Variants in CCBE1 observed in about 807,000 individuals in gnomAD.
CCBE1 encodes the protein collagen and calcium binding EGF domains 1, also known as collagen and calcium-binding EGF domain-containing protein 1.
A neutral mutation model predicts 50.0 loss-of-function variants in CCBE1; 37 were observed. That is an observed-to-expected ratio of 0.74 (90% CI 0.57 to 0.97). The LOEUF is 0.97. Among genes scored for constraint, CCBE1 ranks in the 50% least tolerant of loss-of-function variants. The probability of loss-of-function intolerance (pLI) is 0.00; values close to 1 mark genes in which losing one functional copy is unlikely to be tolerated. For missense variants in CCBE1, 538 were observed against 523.8 expected (o/e 1.03, Z -0.26); for synonymous variants, 234 against 203.7 (o/e 1.15, Z -1.27).
chr18:59,508,770 G>A (rs1189048561), intron 2 of CCBE1, among the ~76,000 whole-genome samples: 4 of 130,874 alleles, frequency 3.1e-5, no homozygotes, highest in East Asian at 4.8e-4. Flanking sequence ...AGGCTGAAGT[G>A]CAGTAGGGCC....
intron 5 of CCBE1, chr18:59,459,111 C>T (rs1911343001): frequency 6.6e-6 from 1 of 152,236 alleles, no homozygotes; most frequent in African/African-American, 2.4e-5. Flanking sequence ...GAACAGTGCC[C>T]AGCTTATGTT....
chr18:59,503,713 T>C (rs1358885970), intron 2 of CCBE1, among the ~76,000 whole-genome samples: 1 of 152,202 alleles, frequency 6.6e-6, no homozygotes, highest in African/African-American at 2.4e-5. Flanking sequence ...TTCTATCCTA[T>C]TAATATAATT....
intron 5 of CCBE1, among the ~76,000 whole-genome samples, chr18:59,466,515 C>T (rs1250520207): frequency 2.6e-5 from 4 of 151,808 alleles, no homozygotes; most frequent in Non-Finnish European, 5.9e-5. Flanking sequence ...CGAACTTATA[C>T]AATAAATAAT....
chr18:59,467,869 C>T (rs968755964), intron 4 of CCBE1, among the ~76,000 whole-genome samples: 2 of 1,610 alleles, frequency 1.2e-3, no homozygotes, highest in Admixed American at 0.019. Flanking sequence ...GTCATCTGGA[C>T]GCTCCCCGGC....
intron 2 of CCBE1, among the ~76,000 whole-genome samples, chr18:59,574,299 T>A (rs2052959184): frequency 6.6e-6 from 1 of 152,366 alleles, no homozygotes; most frequent in Non-Finnish European, 1.5e-5. Flanking sequence ...GTGTCTTTAG[T>A]TTAGAACTTC....
intron 2 of CCBE1, among the ~76,000 whole-genome samples, chr18:59,521,011 T>C (rs1914576119): frequency 6.6e-6 from 1 of 152,266 alleles, no homozygotes; most frequent in African/African-American, 2.4e-5. Flanking sequence ...TGATATTCTC[T>C]GAATGCTGAA....
intron 2 of CCBE1, among the ~76,000 whole-genome samples, chr18:59,644,159 A>G (rs1189523365): frequency 6.6e-6 from 1 of 152,196 alleles, no homozygotes; most frequent in Non-Finnish European, 1.5e-5. Context: ...CAAGGAACCC[A>G]CAACCTAGGT....
intron 2 of CCBE1, among the ~76,000 whole-genome samples, chr18:59,531,516 G>A (rs952773399): frequency 1.3e-5 from 2 of 152,166 alleles, no homozygotes; most frequent in African/African-American, 4.8e-5. Flanking sequence ...GGGAGGCTGA[G>A]GCAGGAGGAT....
intron 2 of CCBE1, among the ~76,000 whole-genome samples, chr18:59,554,430 A>T (rs759892096): frequency 6.6e-6 from 1 of 152,220 alleles, no homozygotes; most frequent in Non-Finnish European, 1.5e-5. Flanking sequence ...CAGTCTTTCT[A>T]CATGATGGTA....
chr18:59,662,268 T>TA (rs1196513280), intron 2 of CCBE1, among the ~76,000 whole-genome samples: 37 of 152,348 alleles, frequency 2.4e-4, no homozygotes, highest in African/African-American at 8.7e-4. Context: ...GGAACGTGCA[T>TA]AGTGGGACAC....
chr18:59,571,512 G>T (rs1047316768), intron 2 of CCBE1, among the ~76,000 whole-genome samples: 2 of 150,724 alleles, frequency 1.3e-5, no homozygotes, highest in African/African-American at 2.4e-5. Context: ...AGCATTAGGA[G>T]ATATATCTAA....
Position 59,466,734 on chromosome 18 carries a change from C to T in CCBE1, c.553+5G>A, listed in dbSNP as rs1295132813. ...TAGGGAGATATTTAGACTTGCCCTACTTACCAGTGTCATTGGGATATTTGT... is the reference window on the plus strand; with the variant it reads ...TAGGGAGATATTTAGACTTGCCCTATTTACCAGTGTCATTGGGATATTTGT... On this transcript the variant is annotated splice_donor_5th_base_variant and intron_variant, in intron 5 of 10. Transcript: ENST00000439986. 6.2e-7 allele frequency: 1 copy of T among 1,610,854 alleles called. No individual in the cohort carries two copies. The highest frequency in any genetic ancestry group is 8.5e-7 in the Non-Finnish European group (1 of 1,178,452).
chr18:59,517,659 C>T (rs1914429578), intron 2 of CCBE1, among the ~76,000 whole-genome samples: 1 of 152,140 alleles, frequency 6.6e-6, no homozygotes, highest in Admixed American at 6.6e-5. Context: ...CAGTTCTATC[C>T]CTTTCTTCCT....
Position 59,436,136 on chromosome 18 carries a change from G to C in CCBE1, c.993C>G (p.Pro331=). 1 of 1,614,114 alleles carries C rather than the reference G, an allele frequency of 6.2e-7. No homozygotes were observed. Among genetic ancestry groups the C allele is most frequent in the Non-Finnish European group, 8.5e-7 (1 of 1,180,000 alleles). The change falls in exon 11 of 11, where the codon CCC becomes CCG. Residue 331 remains proline, a synonymous_variant. Transcript: ENST00000439986. ...GTAGCAGGAAGTCGAAAGAACCAGG[G>C]GGTCCCTGTGTACATGGGAGGAATC... ...GAPGPRGSPG[P]PGSFDFLLLM...
intron 7 of CCBE1, among the ~76,000 whole-genome samples, chr18:59,446,238 G>C (rs1344369588): frequency 1.3e-5 from 2 of 152,222 alleles, no homozygotes; most frequent in Non-Finnish European, 2.9e-5. Context: ...AAGAAAGCTT[G>C]CAAGGCATTT....
chr18:59,694,331 A>T (rs1416607826), intron 2 of CCBE1, among the ~76,000 whole-genome samples: 2 of 152,196 alleles, frequency 1.3e-5, no homozygotes, highest in Admixed American at 1.3e-4. Context: ...TATTACTTAC[A>T]GCTCAATTCA....
intron 2 of CCBE1, among the ~76,000 whole-genome samples, chr18:59,589,808 A>AG (rs1342401363): frequency 7.6e-6 from 1 of 132,360 alleles, no homozygotes; most frequent in Non-Finnish European, 1.7e-5. Context: ...AAAAAAAAAA[A>AG]AAAGAAAGAA....
intron 2 of CCBE1, among the ~76,000 whole-genome samples, chr18:59,540,815 A>T (rs573581137): frequency 2.0e-4 from 30 of 152,302 alleles, no homozygotes; most frequent in African/African-American, 7.2e-4. Context: ...GAACCGGTAA[A>T]CCCTGAAATA....
At chr18:59,655,082 T>A (rs549387955) in intron 2 of CCBE1, among the ~76,000 whole-genome samples, 1 of 62,664 alleles carries the variant, frequency 1.6e-5, no homozygotes, top group Non-Finnish European at 3.5e-5. Flanking sequence ...ACTGAGACTA[T>A]GTCAAAAAAA....
Sources: gnomAD v4.1 joint callset for allele counts (sites outside exome capture counted in the v4.1 genomes callset) on GRCh38, gnomAD v4.1.1 for gene constraint, MANE v1.5 for transcripts, NCBI Gene and HGNC (gene_info 2026-07-23, HGNC 2026-07-21) for gene names.